GRK5: variants seen among roughly 807,000 people sequenced by gnomAD.
GRK5 encodes g protein-coupled receptor kinase GRK5.
GRK5 carries 40 observed loss-of-function variants against 78.4 expected under a neutral mutation model. The ratio of observed to expected loss-of-function variants is 0.51; its 90% CI spans 0.40 to 0.66. The LOEUF (loss-of-function observed/expected upper bound fraction) is 0.66, where lower values mean the gene tolerates loss of function less well. GRK5 is among the 30% of genes least tolerant of loss of function. The pLI is 0.00. For synonymous variants in GRK5, 289 were observed against 296.8 expected (o/e 0.97, Z 0.27); for missense variants, 598 against 759.9 (o/e 0.79, Z 2.50).
At position 119,238,695 on chromosome 10, in the gene GRK5, G is replaced by A. The variant is rs1462875461; in HGVS notation, c.52+30726G>A. ...TTACTTAAAAGTGAACTGCACGGGGGTTGACTCTTTCAAGGCCTGAGATTG... is the reference window on the plus strand; with the variant it reads ...TTACTTAAAAGTGAACTGCACGGGGATTGACTCTTTCAAGGCCTGAGATTG... On this transcript the variant is annotated intron_variant, in intron 1 of 15. Coordinates refer to ENST00000392870, the MANE Select transcript of GRK5 (RefSeq NM_005308.3). The surrounding 1 kb of genome is among the most constrained non-coding windows in gnomAD (Gnocchi z 4.7). Among the ~76,000 whole-genome samples, 1 of 152,150 alleles carries A rather than the reference G, an allele frequency of 6.6e-6. No homozygotes were observed. The highest frequency in any genetic ancestry group is 1.5e-5 in the Non-Finnish European group (1 of 68,030).
intron 2 of GRK5, among the ~76,000 whole-genome samples, 189 bp downstream of exon 2, chr10:119,326,800 A>G (rs1850687930): frequency 6.6e-6 from 1 of 152,270 alleles, no homozygotes; most frequent in Non-Finnish European, 1.5e-5. Context: ...CAACATAAAC[A>G]GGCAACCAGT....
At chr10:119,236,126 A>G (rs537406396) in intron 1 of GRK5, among the ~76,000 whole-genome samples, 78 of 152,322 alleles carry the variant, frequency 5.1e-4, no homozygotes, top group Non-Finnish European at 5.6e-4. Context: ...CTGTAATCTC[A>G]GCACTTTGGG....
At chr10:119,319,952 C>G (rs1365612631) in intron 1 of GRK5, among the ~76,000 whole-genome samples, 3 of 152,218 alleles carry the variant, frequency 2.0e-5, no homozygotes, top group Admixed American at 2.0e-4. Flanking sequence ...TGGAAGCTTG[C>G]AATTAAACAA....
intron 2 of GRK5, among the ~76,000 whole-genome samples, chr10:119,361,074 G>C (rs1011081502): frequency 6.6e-6 from 1 of 152,218 alleles, no homozygotes; most frequent in Non-Finnish European, 1.5e-5. Context: ...AAAAGACCTG[G>C]ACGCAGATCC....
intron 1 of GRK5, among the ~76,000 whole-genome samples, chr10:119,301,167 T>TACCCTGTG: frequency 6.6e-6 from 1 of 151,744 alleles, no homozygotes; most frequent in East Asian, 1.9e-4. Context: ...CATAAAGTGA[T>TACCCTGTG]GAAGTGCATA....
At chr10:119,425,311 G>A (rs1336957631) in intron 6 of GRK5, among the ~76,000 whole-genome samples, 3 of 106,334 alleles carry the variant, frequency 2.8e-5, no homozygotes, top group East Asian at 3.3e-4. Context: ...ACACATTCAC[G>A]CAAATGTAAA....
intron 12 of GRK5, 130 bp downstream of exon 12, chr10:119,443,882 G>A: frequency 2.6e-6 from 2 of 766,168 alleles, no homozygotes; most frequent in South Asian, 1.8e-5. Context: ...GGGGGTTGCA[G>A]CCCACCAAGC....
At chr10:119,358,223 G>A (rs183243569) in intron 2 of GRK5, among the ~76,000 whole-genome samples, 3 of 152,274 alleles carry the variant, frequency 2.0e-5, no homozygotes, top group Non-Finnish European at 4.4e-5. Context: ...GGGTGTCCAC[G>A]CAGCATGCAT....
intron 1 of GRK5, among the ~76,000 whole-genome samples, chr10:119,287,028 T>C (rs540456463): frequency 9.3e-5 from 14 of 150,342 alleles, no homozygotes; most frequent in South Asian, 6.3e-4. Context: ...GCTCAATAAA[T>C]TTATATTGAA....
At position 119,459,401 on chromosome 10, in the gene GRK5, TCC is replaced by T. The variant is rs138141567; in HGVS notation, c.*4340_*4341del. 8.2e-6 allele frequency: 1 copy of T among 122,646 alleles called. No homozygotes were observed. The highest frequency in any genetic ancestry group is 2.9e-4 in the South Asian group (1 of 3,392). 7.6% of individuals were successfully genotyped at this position (122,646 alleles called of 1,614,324 possible). ...GCTCTCCCTGGCAGAGAAAGACACT[TCC>T]CCCCCAAAGTGGAATTTAGATGTCT... On this transcript the variant is annotated 3_prime_UTR_variant, in exon 16 of 16. Coordinates refer to ENST00000392870, the MANE Select transcript of GRK5 (RefSeq NM_005308.3).
chr10:119,220,116 A>G (rs1267013619), intron 1 of GRK5, among the ~76,000 whole-genome samples: 2 of 152,230 alleles, frequency 1.3e-5, no homozygotes, highest in Non-Finnish European at 2.9e-5. Flanking sequence ...AAAAATTTCT[A>G]AACAGTCAAT....
At chr10:119,398,471 C>T (rs910150514) in intron 4 of GRK5, among the ~76,000 whole-genome samples, 2 of 152,184 alleles carry the variant, frequency 1.3e-5, no homozygotes, top group African/African-American at 4.8e-5. Context: ...TGAGAGGCCA[C>T]TCTGCTGAAG....
chr10:119,427,532 A>ATCAGTATCACCACCATCC (rs1852718580), intron 6 of GRK5, among the ~76,000 whole-genome samples: 2 of 151,766 alleles, frequency 1.3e-5, no homozygotes, highest in Admixed American at 1.3e-4. Flanking sequence ...CACCGCCATC[A>ATCAGTATCACCACCATCC]TCAGTATCAC....
chr10:119,344,192 G>T (rs749082188), intron 2 of GRK5, among the ~76,000 whole-genome samples: 88 of 142,652 alleles, frequency 6.2e-4, no homozygotes, highest in South Asian at 3.6e-3. Flanking sequence ...ATTTATTTTT[G>T]ATTATACTTT....
At chr10:119,373,922 C>G (rs1324825365) in intron 2 of GRK5, among the ~76,000 whole-genome samples, 1 of 152,192 alleles carries the variant, frequency 6.6e-6, no homozygotes, top group Non-Finnish European at 1.5e-5. Flanking sequence ...CGAGCTGAAT[C>G]GTTGTGAAAG....
intron 1 of GRK5, among the ~76,000 whole-genome samples, chr10:119,214,091 C>T (rs1019264257): frequency 6.6e-6 from 1 of 152,366 alleles, no homozygotes; most frequent in African/African-American, 2.4e-5. Context: ...TCTCCTGCCT[C>T]AGCCTCCTGA....
intron 1 of GRK5, among the ~76,000 whole-genome samples, chr10:119,263,929 A>AAAT (rs369678174): frequency 4.9e-4 from 75 of 152,084 alleles, no homozygotes; most frequent in Admixed American, 5.2e-4. Context: ...CTCCGTCTCA[A>AAAT]AATAATAATA....
chr10:119,207,785 T>C lies in GRK5; in HGVS notation c.-133T>C. On this transcript the variant is annotated 5_prime_UTR_variant, in exon 1 of 16. An upstream open reading frame in the 5' UTR loses its in-frame stop. Transcript: ENST00000392870. ...TGGGCTGAGAGCAGGAATAATGCGG[T>C]AGGCAAGGCGGGCTGCTGGCTCCCC... The C allele has an allele frequency of 1.2e-6, 1 of 820,790 alleles. No homozygotes were observed. The highest frequency in any genetic ancestry group is 3.1e-5 in the East Asian group (1 of 32,508). The allele number at this position is 820,790 out of a possible 1,614,324, so 50.8% of individuals were successfully genotyped here.
At position 119,253,417 on chromosome 10, in the gene GRK5, CCCA is replaced by C. The variant is rs1849232275; in HGVS notation, c.52+45454_52+45456del. Reference sequence around the variant, plus strand: ...TGGAGAAGAGGGACAAGCCAGCCTCCCCACCACCCCTGCCCTCCGTTCCTTTTA... The same window carrying C: ...TGGAGAAGAGGGACAAGCCAGCCTCCCCACCCCTGCCCTCCGTTCCTTTTA... On this transcript the variant is annotated intron_variant, in intron 1 of 15. Transcript: ENST00000392870. The surrounding 1 kb of genome is among the most constrained non-coding windows in gnomAD (Gnocchi z 5.7). Among the ~76,000 whole-genome samples the C allele has an allele frequency of 6.6e-6, 1 of 152,192 alleles. No homozygotes were observed. The highest frequency in any genetic ancestry group is 2.4e-5 in the African/African-American group (1 of 41,438).
Sources: allele counts gnomAD v4.1 joint callset (sites outside exome capture counted in the v4.1 genomes callset), GRCh38; gene constraint gnomAD v4.1.1; non-coding constraint Gnocchi (gnomAD v3.1); transcripts MANE v1.5; gene names NCBI Gene and HGNC (gene_info 2026-07-23, HGNC 2026-07-21).